Variants in MTF1 observed in about 807,000 individuals in gnomAD.
The protein encoded by MTF1 is metal regulatory transcription factor 1.
Under a neutral mutation model 70.4 loss-of-function variants are expected in MTF1, and 22 were observed. That is an observed-to-expected ratio of 0.31 (90% CI 0.22 to 0.45). The LOEUF (loss-of-function observed/expected upper bound fraction) is 0.45. Ranked by LOEUF, MTF1 falls within the 20% of genes least tolerant of loss-of-function variation. The pLI is 1.00. For synonymous variants in MTF1, 333 were observed against 352.8 expected (o/e 0.94, Z 0.63); for missense variants, 649 against 922.0 (o/e 0.70, Z 3.83).
chr1:37,842,339 A>G (rs908334187), intron 2 of MTF1, among the ~76,000 whole-genome samples: 2 of 152,240 alleles, frequency 1.3e-5, no homozygotes, highest in Non-Finnish European at 2.9e-5. Flanking sequence ...AATTTAAAAA[A>G]TGGCAGTTGA....
chr1:37,854,974 G>A (rs1348328606), intron 2 of MTF1, among the ~76,000 whole-genome samples: 3 of 152,118 alleles, frequency 2.0e-5, no homozygotes, highest in East Asian at 1.9e-4. Flanking sequence ...CAGGAGAATC[G>A]CTTGAACCTG....
intron 9 of MTF1, among the ~76,000 whole-genome samples, chr1:37,817,878 T>C (rs1212482654): frequency 6.6e-6 from 1 of 152,256 alleles, no homozygotes; most frequent in Middle Eastern, 3.4e-3. Flanking sequence ...TGGAAAGTTC[T>C]TTTTTTCCCC....
At chr1:37,824,027 T>C (rs1347252877) in intron 7 of MTF1, among the ~76,000 whole-genome samples, 1 of 152,210 alleles carries the variant, frequency 6.6e-6, no homozygotes, top group Non-Finnish European at 1.5e-5. Flanking sequence ...TATTTTTTAA[T>C]AGAGACAGAA....
intron 2 of MTF1, among the ~76,000 whole-genome samples, chr1:37,844,345 A>C (rs778377446): frequency 2.1e-4 from 32 of 151,922 alleles, no homozygotes; most frequent in Admixed American, 4.6e-4. Context: ...CGCTTTTCTG[A>C]GTCCTTCTCT....
chr1:37,855,596 T>C (rs1385988839), intron 2 of MTF1, among the ~76,000 whole-genome samples: 1 of 152,180 alleles, frequency 6.6e-6, no homozygotes, highest in African/African-American at 2.4e-5. Flanking sequence ...CTATTTCTGT[T>C]TGGTAACATC....
At chr1:37,828,585 G>A (rs1017155171) in intron 7 of MTF1, among the ~76,000 whole-genome samples, 2 of 152,338 alleles carry the variant, frequency 1.3e-5, no homozygotes, top group East Asian at 1.9e-4. Context: ...GATTATAGGC[G>A]TAAGCCACCA....
intron 2 of MTF1, among the ~76,000 whole-genome samples, chr1:37,846,214 G>A (rs922579149): frequency 6.6e-6 from 1 of 152,048 alleles, no homozygotes; most frequent in Non-Finnish European, 1.5e-5. Flanking sequence ...AGGAAAATCA[G>A]ACAAGAACAA....
At chr1:37,850,174 G>A (rs1378750847) in intron 2 of MTF1, among the ~76,000 whole-genome samples, 4 of 144,842 alleles carry the variant, frequency 2.8e-5, no homozygotes, top group Non-Finnish European at 4.5e-5. Context: ...GGAGGTTAAG[G>A]CTGCAGTGAG....
intron 4 of MTF1, among the ~76,000 whole-genome samples, chr1:37,836,484 C>A (rs1641172321): frequency 6.6e-6 from 1 of 152,106 alleles, no homozygotes; most frequent in Admixed American, 6.6e-5. Context: ...TATCTATAAT[C>A]TTGTGTGTCG....
rs539985313 is a variant in MTF1 at position 37,836,276 on chromosome 1, T to C, written c.780-532A>G. On this transcript the variant is annotated intron_variant, in intron 4 of 10. Transcript: ENST00000373036. ...AGTATTTCTTGTCCTACAGGTAAGG[T>C]CCATGTTGAGAGCCCTGACAACAAA... Among the ~76,000 whole-genome samples, 11 of 152,226 alleles carry C rather than the reference T, an allele frequency of 7.2e-5. No individual in the cohort carries two copies. In the South Asian group the frequency reaches 2.3e-3, roughly 32 times the overall value.
chr1:37,856,433 G>T (rs1641495407), intron 2 of MTF1, among the ~76,000 whole-genome samples: 1 of 150,158 alleles, frequency 6.7e-6, no homozygotes, highest in African/African-American at 2.4e-5. Flanking sequence ...GCCTCCCAAA[G>T]TGCTGGGATT....
chr1:37,852,947 A>C (rs72917983), intron 2 of MTF1, among the ~76,000 whole-genome samples: 6,599 of 152,228 alleles, frequency 0.043, 349 homozygotes, highest in East Asian at 0.23. Context: ...AAACCTTTGA[A>C]TCATGCCCAA....
intron 2 of MTF1, among the ~76,000 whole-genome samples, chr1:37,849,384 C>G (rs978722308): frequency 7.9e-5 from 12 of 151,954 alleles, no homozygotes; most frequent in Middle Eastern, 3.4e-3. Flanking sequence ...CAAGATCGTG[C>G]CACTGTACTC....
intron 4 of MTF1, 149 bp downstream of exon 4, chr1:37,838,476 G>A: frequency 2.0e-6 from 1 of 511,842 alleles, no homozygotes; most frequent in Non-Finnish European, 3.4e-6. Flanking sequence ...AATCTGCAGT[G>A]GTTGGTTATA....
Position 37,812,079 on chromosome 1 carries a change from G to C in MTF1, c.*3057C>G, listed in dbSNP as rs1013801787. The C allele has an allele frequency of 4.6e-5, 7 of 152,670 alleles. No homozygotes were observed. Among genetic ancestry groups the C allele is most frequent in the Non-Finnish European group, 1.0e-4 (7 of 68,040 alleles). 9.5% of individuals were successfully genotyped at this position (152,670 alleles called of 1,614,324 possible). A position where few individuals can be genotyped will look rare whatever the true frequency, so the allele number is the denominator to read the frequency against. The stretch of plus-strand genomic sequence containing the variant: ...GTTGTCTAATTGGAGATGTTAGTAG[G>C]AGCTAGAAGATAACGTACAGGGTGA... On this transcript the variant is annotated 3_prime_UTR_variant, in exon 11 of 11. Coordinates refer to ENST00000373036, the MANE Select transcript of MTF1 (RefSeq NM_005955.3).
chr1:37,842,962 A>T (rs1641277720), intron 2 of MTF1, among the ~76,000 whole-genome samples: 1 of 152,168 alleles, frequency 6.6e-6, no homozygotes, highest in Non-Finnish European at 1.5e-5. Flanking sequence ...GGTGAAGTGG[A>T]GGTAGAGGCT....
intron 9 of MTF1, among the ~76,000 whole-genome samples, chr1:37,821,341 T>C (rs1312092299): frequency 3.3e-5 from 5 of 152,114 alleles, no homozygotes; most frequent in African/African-American, 1.2e-4. Flanking sequence ...TGTAGCACAA[T>C]AAGTCCTTAC....
chr1:37,828,865 G>GGAGCAAA (rs1641043866), intron 7 of MTF1, among the ~76,000 whole-genome samples: 1 of 152,152 alleles, frequency 6.6e-6, no homozygotes, highest in Non-Finnish European at 1.5e-5. Context: ...CCTGGAGCAA[G>GGAGCAAA]GAGCAAAGAG....
intron 2 of MTF1, among the ~76,000 whole-genome samples, chr1:37,846,113 T>A (rs1403614994): frequency 6.6e-6 from 1 of 152,110 alleles, no homozygotes; most frequent in East Asian, 1.9e-4. Flanking sequence ...CATTCATACA[T>A]CCTAAAAATT....
Sources: allele counts gnomAD v4.1 joint callset (sites outside exome capture counted in the v4.1 genomes callset), GRCh38; gene constraint gnomAD v4.1.1; transcripts MANE v1.5; gene names NCBI Gene and HGNC (gene_info 2026-07-23, HGNC 2026-07-21).